Variants in PTPDC1 observed in about 807,000 individuals in gnomAD.
PTPDC1 encodes protein tyrosine phosphatase domain-containing protein 1.
PTPDC1 carries 53 observed loss-of-function variants against 75.3 expected under a neutral mutation model. The ratio of observed to expected loss-of-function variants is 0.70; its 90% CI spans 0.56 to 0.88. The LOEUF is 0.88. PTPDC1 is among the 40% of genes least tolerant of loss of function. The pLI, the probability that PTPDC1 is intolerant of heterozygous loss-of-function variation, is 0.00. For synonymous variants in PTPDC1, 349 were observed against 366.2 expected, an observed-to-expected ratio of 0.95 and a Z score of 0.54; for missense variants, 925 against 998.6, an observed-to-expected ratio of 0.93 and a Z score of 0.99.
intron 2 of PTPDC1, among the ~76,000 whole-genome samples, chr9:94,065,706 C>T (rs984684579): frequency 6.6e-6 from 1 of 152,202 alleles, no homozygotes; most frequent in African/African-American, 2.4e-5. Context: ...CTTGTAGATA[C>T]TCCTTCATCT....
At chr9:94,105,479 C>T (rs1215327636) in intron 8 of PTPDC1, among the ~76,000 whole-genome samples, 2 of 150,694 alleles carry the variant, frequency 1.3e-5, no homozygotes, top group African/African-American at 4.9e-5. Flanking sequence ...ACCATCCTGG[C>T]CAACATGGTG....
chr9:94,091,149 T>C (rs1564029287), intron 4 of PTPDC1, among the ~76,000 whole-genome samples: 1 of 151,126 alleles, frequency 6.6e-6, no homozygotes, highest in East Asian at 2.0e-4. Flanking sequence ...AGGGCATCCC[T>C]GTCTTGTGCC....
At chr9:94,041,735 C>T (rs185758183) in intron 1 of PTPDC1, among the ~76,000 whole-genome samples, 4 of 152,142 alleles carry the variant, frequency 2.6e-5, no homozygotes, top group Non-Finnish European at 5.9e-5. Flanking sequence ...TTGAGCACTT[C>T]CCTACTTTTC....
chr9:94,096,379 G>A (rs1402579214), intron 5 of PTPDC1, among the ~76,000 whole-genome samples: 1 of 152,140 alleles, frequency 6.6e-6, no homozygotes, highest in Non-Finnish European at 1.5e-5. Flanking sequence ...AAGATCTTCT[G>A]TGTCCTAGTG....
upstream of PTPDC1, among the ~76,000 whole-genome samples, chr9:94,080,242 G>A (rs942739340): frequency 1.3e-5 from 2 of 152,126 alleles, no homozygotes; most frequent in Admixed American, 6.5e-5. Flanking sequence ...GTTACATGTA[G>A]GGGGCTTGGT....
At chr9:94,065,095 A>G (rs537136463) in intron 2 of PTPDC1, among the ~76,000 whole-genome samples, 108 of 152,370 alleles carry the variant, frequency 7.1e-4, no homozygotes, top group African/African-American at 2.5e-3. Context: ...CCTATCATCA[A>G]AGGCCTACTT....
Position 94,101,626 on chromosome 9 carries a change from ATC to A in PTPDC1, c.2075_2076del (p.Ile692ThrfsTer27). 1 of 1,613,968 alleles carries A rather than the reference ATC, an allele frequency of 6.2e-7. No homozygotes were observed. The highest frequency in any genetic ancestry group is 1.1e-5 in the South Asian group (1 of 91,066). ...ERICGERDPF[I>X]LCSLMWSWVE... ...AATATGTGGCGAGAGGGACCCTTTC[ATC>A]CTATGCAGCTTGATGTGGTCTTGGG... On this transcript the variant is annotated frameshift_variant, in exon 7 of 9. Coordinates refer to ENST00000620992, the MANE Select transcript of PTPDC1 (RefSeq NM_001253829.2). LOFTEE classifies it high-confidence loss of function.
chr9:94,047,040 G>C (rs1260623540), intron 1 of PTPDC1, among the ~76,000 whole-genome samples: 2 of 152,174 alleles, frequency 1.3e-5, no homozygotes, highest in Non-Finnish European at 2.9e-5. Flanking sequence ...AATTTATTGA[G>C]AGTTTTTAGC....
At chr9:94,055,014 C>G (rs1323790307) in intron 1 of PTPDC1, among the ~76,000 whole-genome samples, 4 of 152,226 alleles carry the variant, frequency 2.6e-5, no homozygotes, top group African/African-American at 9.6e-5. Flanking sequence ...CTGCCACACA[C>G]AGTGGAGCTC....
chr9:94,104,802 G>T (rs1452189204), intron 8 of PTPDC1, among the ~76,000 whole-genome samples: 3 of 152,128 alleles, frequency 2.0e-5, no homozygotes, highest in African/African-American at 7.2e-5. Flanking sequence ...TCAGTACTGA[G>T]TCCTGGTTGG....
At chr9:94,050,633 G>A (rs1287408255) in intron 1 of PTPDC1, among the ~76,000 whole-genome samples, 1 of 152,196 alleles carries the variant, frequency 6.6e-6, no homozygotes, top group Non-Finnish European at 1.5e-5. Context: ...ACTGGGGGGT[G>A]CCTCCCAGTT....
In PTPDC1 at chr9:94,094,231, G is replaced by C. The variant is rs899802884; in HGVS notation, c.617-1086G>C. On this transcript the variant is annotated intron_variant, in intron 4 of 8. Coordinates refer to ENST00000620992, the MANE Select transcript of PTPDC1 (RefSeq NM_001253829.2). ...GTGGTTTTATCTACTTTTGGTCTTT[G>C]ATGATGGTGATGTACAGATGGGTTT... Among the ~76,000 whole-genome samples, 909 of 152,000 alleles carry C rather than the reference G, an allele frequency of 6.0e-3. 12 individuals are homozygous for C. Among genetic ancestry groups the C allele is most frequent in the African/African-American group, 0.021 (852 of 41,402 alleles).
intron 1 of PTPDC1, among the ~76,000 whole-genome samples, chr9:94,046,021 A>G (rs1825589009): frequency 6.6e-6 from 1 of 152,182 alleles, no homozygotes; most frequent in Admixed American, 6.5e-5. Context: ...TAATTTTTGT[A>G]TAAGTTGTAA....
At chr9:94,087,515 T>G (rs1827119215) in intron 2 of PTPDC1, among the ~76,000 whole-genome samples, 1 of 152,222 alleles carries the variant, frequency 6.6e-6, no homozygotes. Context: ...TCATATTTGC[T>G]TATATTTGCA....
intron 1 of PTPDC1, among the ~76,000 whole-genome samples, chr9:94,039,713 G>A (rs1337559968): frequency 1.3e-5 from 2 of 152,162 alleles, no homozygotes; most frequent in African/African-American, 4.8e-5. Flanking sequence ...TCCTGCCTGG[G>A]TGACAGAGCA....
chr9:94,104,245 T>A (rs757346433), intron 7 of PTPDC1, 30 bp from the exon 8 acceptor site: 2 of 1,554,518 alleles, frequency 1.3e-6, no homozygotes, highest in South Asian at 2.3e-5. Flanking sequence ...TTTTGAAAAA[T>A]TTTTTAAATT....
At chr9:94,045,785 T>G (rs944653873) in intron 1 of PTPDC1, among the ~76,000 whole-genome samples, 3 of 151,548 alleles carry the variant, frequency 2.0e-5, no homozygotes, top group Middle Eastern at 3.2e-3. Flanking sequence ...TTTCTCCCAT[T>G]CTGTAGGTTG....
chr9:94,108,682 C>T lies in PTPDC1; in HGVS notation c.*738C>T, dbSNP rs947595002. 5 of 152,276 alleles carry T rather than the reference C, an allele frequency of 3.3e-5. No homozygotes were observed. The highest frequency in any genetic ancestry group is 1.2e-4 in the African/African-American group (5 of 41,478). 9.4% of individuals were successfully genotyped at this position (152,276 alleles called of 1,614,324 possible). On this transcript the variant is annotated 3_prime_UTR_variant, in exon 9 of 9. Transcript: ENST00000620992. ...AAGGAGGCAGGAGCAGTTCTCAACA[C>T]ACCAAGCCTTATTCCCACTCCCTTG...
intron 1 of PTPDC1, among the ~76,000 whole-genome samples, chr9:94,064,112 T>C (rs554668043): frequency 6.6e-6 from 1 of 152,316 alleles, no homozygotes; most frequent in African/African-American, 2.4e-5. Context: ...ACTTAGGAAC[T>C]ACAAAGTTGA....
Sources: gnomAD v4.1 joint callset for allele counts (sites outside exome capture counted in the v4.1 genomes callset) on GRCh38, gnomAD v4.1.1 for gene constraint, MANE v1.5 for transcripts, NCBI Gene and HGNC (gene_info 2026-07-23, HGNC 2026-07-21) for gene names.